PRSS56: variants seen among roughly 807,000 people sequenced by gnomAD.
PRSS56 encodes serine protease 56.
PRSS56 carries 55 observed loss-of-function variants against 66.8 expected under a neutral mutation model. The observed-to-expected ratio is 0.82, with a 90% CI of 0.66 to 1.03. The LOEUF (loss-of-function observed/expected upper bound fraction) is 1.03, where lower values mean the gene tolerates loss of function less well. PRSS56 is among the 50% of genes least tolerant of loss of function. The pLI, the probability that PRSS56 is intolerant of heterozygous loss-of-function variation, is 0.00. For missense variants in PRSS56, 869 were observed against 837.2 expected (o/e 1.04, Z -0.47); for synonymous variants, 409 against 387.9 (o/e 1.05, Z -0.64).
At chr2:232,525,179 G>A in intron 12 of PRSS56, 37 bp from the exon 13 acceptor site, 1 of 1,437,340 alleles carries the variant, frequency 7.0e-7, no homozygotes, top group South Asian at 1.5e-5. Context: ...TCAGGAGTGA[G>A]TTTCTGGGCC....
At position 232,524,034 on chromosome 2, in the gene PRSS56, C is replaced by G. The variant is rs910696458; in HGVS notation, c.1187-5C>G. 254 of 1,524,796 alleles carry G rather than the reference C, an allele frequency of 1.7e-4. No individual in the cohort carries two copies. Among genetic ancestry groups the G allele is most frequent in the Non-Finnish European group, 2.2e-4 (253 of 1,143,136 alleles). 94.5% of individuals were successfully genotyped at this position (1,524,796 alleles called of 1,614,324 possible). ...CCGCCGCTCCGACTCCTGTCCGGTCCGCAGAGCTGCGCTCGCTGGCGCACA... is the reference window on the plus strand; with the variant it reads ...CCGCCGCTCCGACTCCTGTCCGGTCGGCAGAGCTGCGCTCGCTGGCGCACA... On this transcript the variant is annotated splice_polypyrimidine_tract_variant and splice_region_variant and intron_variant, in intron 9 of 12. Coordinates refer to ENST00000617714, the MANE Select transcript of PRSS56 (RefSeq NM_001195129.2).
At position 232,523,202 on chromosome 2, in the gene PRSS56, G is replaced by A; in HGVS notation, c.849G>A (p.Gln283=). The change falls in exon 7 of 13, where the codon CAG becomes CAA. Residue 283 remains glutamine, a splice_region_variant and synonymous_variant. Transcript: ENST00000617714. ...TGGCGGGGGGCGTTGACTCGTGCCAGGTATGAACCCAGTCTGATGAGAAAA... is the reference window on the plus strand; with the variant it reads ...TGGCGGGGGGCGTTGACTCGTGCCAAGTATGAACCCAGTCTGATGAGAAAA... ...GYLAGGVDSC[Q]GDSGGPLTCS... is the part of the protein sequence containing the mutation. 6.8e-7 allele frequency: 1 copy of A among 1,460,176 alleles called. No individual in the cohort carries two copies. The highest frequency in any genetic ancestry group is 9.0e-7 in the Non-Finnish European group (1 of 1,108,432). The allele number at this position is 1,460,176 out of a possible 1,614,324, so 90.5% of individuals were successfully genotyped here. A position where few individuals can be genotyped will look rare whatever the true frequency, so the allele number is the denominator to read the frequency against.
Position 232,524,025 on chromosome 2 carries a change from T to C in PRSS56, c.1187-14T>C. On this transcript the variant is annotated splice_polypyrimidine_tract_variant and intron_variant, in intron 9 of 12. Transcript: ENST00000617714. ...AGCCTCTGACCGCCGCTCCGACTCC[T>C]GTCCGGTCCGCAGAGCTGCGCTCGC... The C allele has an allele frequency of 1.3e-6, 2 of 1,525,826 alleles. No individual in the cohort carries two copies. The highest frequency in any genetic ancestry group is 1.7e-6 in the Non-Finnish European group (2 of 1,143,454). The allele number at this position is 1,525,826 out of a possible 1,614,324, so 94.5% of individuals were successfully genotyped here.
At chr2:232,525,147 G>C in intron 12 of PRSS56, 69 bp from the exon 13 acceptor site, 1 of 1,387,500 alleles carries the variant, frequency 7.2e-7, no homozygotes, top group South Asian at 1.5e-5. Context: ...GGGGGAGAGG[G>C]GGTGACCTCT....
At position 232,522,709 on chromosome 2, in the gene PRSS56, C is replaced by G. The variant is rs1251147670; in HGVS notation, c.554C>G (p.Pro185Arg). 2.9e-5 allele frequency: 44 copies of G among 1,534,360 alleles called. No homozygotes were observed. The South Asian group carries it at 5.0e-4, about 17-fold the overall frequency. ...CCGCCTCCCCCTCCTCAGTTTGACC[C>G]GCGGACCTTCCACAACGACCTGGCC... is the stretch of plus-strand genomic sequence containing the variant. ...NRILPHPKFD[P>R]RTFHNDLALV... The change falls in exon 6 of 13, where the codon CCG (proline) becomes CGG (arginine). Residue 185 changes from proline (P) to arginine (R), a missense_variant. Physicochemically the swap from Pro to Arg is moderately radical, Grantham distance 103. Coordinates refer to ENST00000617714, the MANE Select transcript of PRSS56 (RefSeq NM_001195129.2).
chr2:232,521,714 C>A, intron 2 of PRSS56, 102 bp from the exon 3 acceptor site: 1 of 1,191,664 alleles, frequency 8.4e-7, no homozygotes, highest in Non-Finnish European at 1.2e-6. Context: ...GGCTGGAGGG[C>A]TGAGCGCGAA....
Position 232,523,577 on chromosome 2 carries a change from C to A in PRSS56, c.1011C>A (p.Ser337Arg). 1.3e-6 allele frequency: 2 copies of A among 1,521,352 alleles called. No homozygotes were observed. The highest frequency in any genetic ancestry group is 8.8e-7 in the Non-Finnish European group (1 of 1,140,762). The allele number at this position is 1,521,352 out of a possible 1,614,324, so 94.2% of individuals were successfully genotyped here. Residue 337 changes from serine to arginine, a missense_variant and splice_region_variant, in exon 8 of 13, where the codon AGC (serine) becomes AGA (arginine). This residue lies in a region of PRSS56 where 551 missense variants were observed against 506.9 expected (regional missense o/e 1.09). Coordinates refer to ENST00000617714, the MANE Select transcript of PRSS56 (RefSeq NM_001195129.2). ...AGGACTGGCTCCAGGAGCAGATGAG[C>A]GGTGAGCGCCCTCTTTCCAATGCCC... is the stretch of plus-strand genomic sequence containing the variant. Reference protein sequence around the residue: ...VFKDWLQEQMSASSSREPSCR... With the variant: ...VFKDWLQEQMRASSSREPSCR...
In PRSS56 at chr2:232,524,040, G is replaced by T; in HGVS notation, c.1188G>T (p.Glu396Asp). 2.0e-6 allele frequency: 3 copies of T among 1,524,892 alleles called. No homozygotes were observed. Among genetic ancestry groups the T allele is most frequent in the Non-Finnish European group, 1.7e-6 (2 of 1,143,060 alleles). The allele number at this position is 1,524,892 out of a possible 1,614,324, so 94.5% of individuals were successfully genotyped here. The part of the protein sequence containing the change: ...QQCLQRRRRC[E>D]LRSLAHTLLG... ...CTCCGACTCCTGTCCGGTCCGCAGA[G>T]CTGCGCTCGCTGGCGCACACGCTGC... Residue 396 changes from glutamate (E) to aspartate (D), a missense_variant and splice_region_variant, in exon 10 of 13, where the codon GAG becomes GAT. Around this residue, in one of 3 missense-constraint regions of PRSS56, gnomAD observed 551 missense variants for 506.9 expected, o/e 1.09. Transcript: ENST00000617714.
intron 1 of PRSS56, 46 bp from the exon 2 acceptor site, chr2:232,521,275 G>C: frequency 6.9e-7 from 1 of 1,444,414 alleles, no homozygotes; most frequent in Non-Finnish European, 9.4e-7. Flanking sequence ...ATGAGGCTGA[G>C]GCTCTTCCCC....
chr2:232,524,308 A>G lies in PRSS56; in HGVS notation c.1353A>G (p.Gly451=), dbSNP rs1691359164. The G allele has an allele frequency of 6.5e-7, 1 of 1,535,724 alleles. No individual in the cohort carries two copies. Among genetic ancestry groups the G allele is most frequent in the Non-Finnish European group, 8.7e-7 (1 of 1,146,824 alleles). ...HPARELRLHS[G]SRAAGTRFPK... is the part of the protein sequence containing the mutation. ...TACCCTAACCCTGTGCCTCCCCAGG[A>G]TCGCGGGCTGCAGGCACTCGGTTCC... The change falls in exon 11 of 13, where the codon GGA becomes GGG. Residue 451 remains glycine, a splice_region_variant and synonymous_variant. Transcript: ENST00000617714.
In PRSS56 at chr2:232,523,505, C is replaced by A; in HGVS notation, c.939C>A (p.Cys313Ter). Residue 313 changes from cysteine (C) to a stop codon, truncating the protein, a stop_gained, in exon 8 of 13, where the codon TGC becomes TGA. Coordinates refer to ENST00000617714, the MANE Select transcript of PRSS56 (RefSeq NM_001195129.2). LOFTEE classifies it high-confidence loss of function. ...GAGTCACCTCCTGGGGGGACGGCTG[C>A]GGGGAGCCAGGGAAGCCCGGGGTCT... The part of the protein sequence containing the change: ...LFGVTSWGDG[C>*]GEPGKPGVYT... The A allele has an allele frequency of 1.3e-6, 2 of 1,531,844 alleles. No homozygotes were observed. Among genetic ancestry groups the A allele is most frequent in the Non-Finnish European group, 1.7e-6 (2 of 1,145,032 alleles). 94.9% of individuals were successfully genotyped at this position (1,531,844 alleles called of 1,614,324 possible).
At position 232,520,625 on chromosome 2, in the gene PRSS56, A is replaced by G. The variant is rs771599998; in HGVS notation, c.27A>G (p.Leu9=). Residue 9 remains leucine, a synonymous_variant, in exon 1 of 13, where the codon CTA becomes CTG. Transcript: ENST00000617714. MLLAVLLL[L]PLPSSWFAHG... ...TGCTGCTGGCTGTGCTGCTGCTGCT[A>G]CCCCTCCCAAGCTCATGGTTTGCCC... The G allele has an allele frequency of 6.5e-7, 1 of 1,535,734 alleles. No homozygotes were observed. Among genetic ancestry groups the G allele is most frequent in the South Asian group, 1.2e-5 (1 of 84,044 alleles).
intron 1 of PRSS56, among the ~76,000 whole-genome samples, chr2:232,521,036 T>A (rs1273830798): frequency 6.6e-6 from 1 of 152,250 alleles, no homozygotes; most frequent in African/African-American, 2.4e-5. Context: ...AGCTGAGTTC[T>A]GCGATGTCTG....
At chr2:232,520,805 T>C in intron 1 of PRSS56, 110 bp downstream of exon 1, 1 of 662,042 alleles carries the variant, frequency 1.5e-6, no homozygotes, top group Non-Finnish European at 2.5e-6. Flanking sequence ...TAAGGACCTT[T>C]GGCTCCTTCT....
Position 232,522,457 on chromosome 2 carries a change from G to T in PRSS56, c.447-58G>T, listed in dbSNP as rs1691302147. 1.0e-5 allele frequency: 14 copies of T among 1,398,206 alleles called. 1 individual carries two copies. In the South Asian group the frequency reaches 1.5e-4, roughly 15 times the overall value. The allele number at this position is 1,398,206 out of a possible 1,614,324, so 86.6% of individuals were successfully genotyped here. ...GCGGGCGGAGGGGCAGGGTCTCCGA[G>T]GGGCCTGCGGGGTGTGCCCCTGTCC... On this transcript the variant is annotated intron_variant, in intron 4 of 12. Coordinates refer to ENST00000617714, the MANE Select transcript of PRSS56 (RefSeq NM_001195129.2).
In PRSS56 at chr2:232,522,550, C is replaced by CA. The variant is rs1322525927; in HGVS notation, c.483dup (p.Glu162ArgfsTer23). The CA allele has an allele frequency of 2.0e-6, 3 of 1,534,990 alleles. No individual in the cohort carries two copies. Among genetic ancestry groups the CA allele is most frequent in the Non-Finnish European group, 2.6e-6 (3 of 1,146,568 alleles). On this transcript the variant is annotated frameshift_variant, in exon 5 of 13. Transcript: ENST00000617714. LOFTEE classifies it high-confidence loss of function. ...GAGCTTCTGTGGACTGTGACGCTGG[C>CA]AGAGGGGTCCCGGGGGGAGCAAGCG...
chr2:232,523,301 G>C, intron 7 of PRSS56, 99 bp downstream of exon 7: 1 of 1,423,334 alleles, frequency 7.0e-7, no homozygotes, highest in South Asian at 1.5e-5. Flanking sequence ...ACTTCTCTGA[G>C]CCTCTCTGTC....
intron 2 of PRSS56, 69 bp downstream of exon 2, chr2:232,521,497 C>A: frequency 1.6e-6 from 2 of 1,258,178 alleles, no homozygotes; most frequent in Non-Finnish European, 2.2e-6. Flanking sequence ...CTGCCTCTGT[C>A]CCTTCCCTTC....
chr2:232,523,858 G>T lies in PRSS56; in HGVS notation c.1099G>T (p.Ala367Ser). 1.3e-6 allele frequency: 2 copies of T among 1,532,218 alleles called. No homozygotes were observed. Among genetic ancestry groups the T allele is most frequent in the East Asian group, 4.9e-5 (2 of 40,824 alleles). 94.9% of individuals were successfully genotyped at this position (1,532,218 alleles called of 1,614,324 possible). A position where few individuals can be genotyped will look rare whatever the true frequency, so the allele number is the denominator to read the frequency against. The change falls in exon 9 of 13, where the codon GCC becomes TCC. Residue 367 changes from alanine (A) to serine (S), a missense_variant. By Grantham distance (99) the Ala-to-Ser change is moderately conservative. Coordinates refer to ENST00000617714, the MANE Select transcript of PRSS56 (RefSeq NM_001195129.2). ...ELQADAARLCAFYARLCPGSQ... is the reference protein window; with the variant it reads ...ELQADAARLCSFYARLCPGSQ... Reference sequence around the variant, plus strand: ...GCAGGCAGACGCCGCCCGGCTCTGCGCCTTCTATGCCCGCCTGTGCCCGGG... The same window carrying T: ...GCAGGCAGACGCCGCCCGGCTCTGCTCCTTCTATGCCCGCCTGTGCCCGGG...
Sources: allele counts gnomAD v4.1 joint callset (sites outside exome capture counted in the v4.1 genomes callset), GRCh38; gene constraint gnomAD v4.1.1; regional missense constraint gnomAD v4.1.1; transcripts MANE v1.5; gene names NCBI Gene and HGNC (gene_info 2026-07-23, HGNC 2026-07-21).